Variants in COL25A1 observed in about 807,000 individuals in gnomAD.
The protein encoded by COL25A1 is collagen alpha-1(XXV) chain.
In COL25A1, 103 loss-of-function variants were observed where a neutral mutation model predicts 128.4. The ratio of observed to expected loss-of-function variants is 0.80; its 90% CI spans 0.68 to 0.94. The LOEUF (loss-of-function observed/expected upper bound fraction) is 0.94. COL25A1 is among the 40% of genes least tolerant of loss of function. COL25A1 has a pLI of 0.00. For synonymous variants in COL25A1, 279 were observed against 277.2 expected (o/e 1.01, Z -0.06); for missense variants, 745 against 840.0 (o/e 0.89, Z 1.40).
At chr4:108,862,656 A>AT in intron 21 of COL25A1, 111 bp from the exon 22 acceptor site, 1 of 842,034 alleles carries the variant, frequency 1.2e-6, no homozygotes, top group Non-Finnish European at 2.0e-6. Context: ...GAAACACTTT[A>AT]TTTTAACTGC....
chr4:109,168,093 C>A (rs1041284636), intron 3 of COL25A1, among the ~76,000 whole-genome samples: 2 of 152,148 alleles, frequency 1.3e-5, no homozygotes, highest in African/African-American at 4.8e-5. Context: ...AAATCTCTCA[C>A]AATGGCTCAT....
intron 15 of COL25A1, 57 bp downstream of exon 15, chr4:108,899,097 T>C: frequency 1.9e-6 from 3 of 1,559,484 alleles, no homozygotes; most frequent in Non-Finnish European, 2.6e-6. Flanking sequence ...GAGTACTTCT[T>C]TGGTATGCTG....
In COL25A1 at chr4:109,302,611, G is replaced by A. The variant is rs1268077251; in HGVS notation, c.-499C>T. The stretch of plus-strand genomic sequence containing the variant: ...GAGAGGAAAACGAAATAAACCCAAG[G>A]AACCAATGCTACTCGCGAAGCCGAA... On this transcript the variant is annotated 5_prime_UTR_variant, in exon 1 of 38. Coordinates refer to ENST00000399132, the MANE Select transcript of COL25A1 (RefSeq NM_198721.4). The A allele has an allele frequency of 1.3e-5, 2 of 152,940 alleles. No individual in the cohort carries two copies. Among genetic ancestry groups the A allele is most frequent in the South Asian group, 2.1e-4 (1 of 4,850 alleles). The allele number at this position is 152,940 out of a possible 1,614,324, so 9.5% of individuals were successfully genotyped here.
At chr4:109,132,530 C>T (rs1769320935) in intron 3 of COL25A1, among the ~76,000 whole-genome samples, 1 of 152,074 alleles carries the variant, frequency 6.6e-6, no homozygotes, top group Admixed American at 6.5e-5. Context: ...ATTCTGTAAA[C>T]CACATTTTAA....
At chr4:109,264,536 T>C (rs1781666002) in intron 3 of COL25A1, among the ~76,000 whole-genome samples, 1 of 152,128 alleles carries the variant, frequency 6.6e-6, no homozygotes, top group East Asian at 1.9e-4. Context: ...AGACAGGACA[T>C]GGTGAATGAA....
At chr4:108,827,907 T>G (rs1251763449) in intron 32 of COL25A1, among the ~76,000 whole-genome samples, 1 of 152,242 alleles carries the variant, frequency 6.6e-6, no homozygotes, top group Non-Finnish European at 1.5e-5. Flanking sequence ...TATATTTTAT[T>G]TCACAGCCCT....
intron 3 of COL25A1, among the ~76,000 whole-genome samples, chr4:109,216,710 A>T (rs1578466403): frequency 6.6e-6 from 1 of 152,288 alleles, no homozygotes. Context: ...TGGCCCTGCC[A>T]ACATCTTGAT....
At chr4:108,894,076 A>C (rs2125852678) in intron 16 of COL25A1, among the ~76,000 whole-genome samples, 1 of 152,332 alleles carries the variant, frequency 6.6e-6, no homozygotes, top group South Asian at 2.1e-4. Flanking sequence ...TGGGAAGAAA[A>C]GCTAATATTT....
chr4:109,179,646 G>C (rs1409488837), intron 3 of COL25A1, among the ~76,000 whole-genome samples: 1 of 152,134 alleles, frequency 6.6e-6, no homozygotes, highest in Non-Finnish European at 1.5e-5. Context: ...GTGTTATAAA[G>C]CTGTCTTTTT....
At chr4:109,027,198 G>A (rs1339541525) in intron 5 of COL25A1, among the ~76,000 whole-genome samples, 1 of 152,178 alleles carries the variant, frequency 6.6e-6, no homozygotes, top group Admixed American at 6.5e-5. Flanking sequence ...CAGCGATAAG[G>A]ACTCAGCAGG....
At chr4:108,943,372 AT>A (rs1250848585) in intron 8 of COL25A1, among the ~76,000 whole-genome samples, 1 of 152,182 alleles carries the variant, frequency 6.6e-6, no homozygotes, top group East Asian at 1.9e-4. Context: ...CCATCAGATC[AT>A]ACTTATTCCC....
intron 3 of COL25A1, among the ~76,000 whole-genome samples, chr4:109,231,353 ATG>A (rs1260415787): frequency 6.6e-6 from 1 of 152,122 alleles, no homozygotes; most frequent in Admixed American, 6.5e-5. Context: ...GAATTCTACC[ATG>A]TAGAATTTCT....
intron 5 of COL25A1, among the ~76,000 whole-genome samples, chr4:109,014,027 C>T (rs1756968017): frequency 6.6e-6 from 1 of 152,160 alleles, no homozygotes; most frequent in Non-Finnish European, 1.5e-5. Context: ...GAACATGTGG[C>T]TGGGTGTGGT....
intron 25 of COL25A1, 36 bp from the exon 26 acceptor site, chr4:108,852,316 A>G: frequency 6.6e-7 from 1 of 1,513,554 alleles, no homozygotes; most frequent in Non-Finnish European, 9.1e-7. Context: ...TAAAAGTAGT[A>G]ATTATATGTA....
rs974957868 is a variant in COL25A1 at position 108,891,026 on chromosome 4, A to G, written c.907-1293T>C. On this transcript the variant is annotated intron_variant, in intron 16 of 37. Transcript: ENST00000399132. ...GGCTATTTATGTTCCCTGCCTATTC[A>G]TTGTCTATCTCTCTGTTAGACAGTT... 3.9e-5 allele frequency among the ~76,000 whole-genome samples: 6 copies of G among 152,192 alleles called. No individual in the cohort carries two copies. In the East Asian group the frequency reaches 1.2e-3, roughly 29 times the overall value.
chr4:108,874,061 T>C (rs554398768), intron 19 of COL25A1, among the ~76,000 whole-genome samples: 1 of 152,330 alleles, frequency 6.6e-6, no homozygotes, highest in East Asian at 1.9e-4. Flanking sequence ...AGCAAATGAC[T>C]ACTATACTAT....
intron 24 of COL25A1, among the ~76,000 whole-genome samples, chr4:108,856,449 C>A (rs528635391): frequency 6.6e-6 from 1 of 152,136 alleles, no homozygotes; most frequent in East Asian, 1.9e-4. Context: ...AAAGGGATAA[C>A]AATGACATAC....
chr4:109,086,035 G>A (rs1764337700), intron 3 of COL25A1, among the ~76,000 whole-genome samples: 1 of 152,210 alleles, frequency 6.6e-6, no homozygotes, highest in Admixed American at 6.5e-5. Flanking sequence ...TATTAGCTCT[G>A]TTGGAAAGCA....
intron 9 of COL25A1, 39 bp downstream of exon 9, chr4:108,941,327 G>A (rs935960184): frequency 2.0e-6 from 3 of 1,530,914 alleles, no homozygotes; most frequent in African/African-American, 2.7e-5. Flanking sequence ...AATAACTGAT[G>A]TAAAGAAGAA....
Sources: allele counts gnomAD v4.1 joint callset (sites outside exome capture counted in the v4.1 genomes callset), GRCh38; gene constraint gnomAD v4.1.1; transcripts MANE v1.5; gene names NCBI Gene and HGNC (gene_info 2026-07-23, HGNC 2026-07-21).